RHOBTB1: variants seen among roughly 807,000 people sequenced by gnomAD.
RHOBTB1 encodes Rho related BTB domain containing 1, also known as rho-related BTB domain-containing protein 1.
Under a neutral mutation model 71.6 loss-of-function variants are expected in RHOBTB1, and 40 were observed. That is an observed-to-expected ratio of 0.56 (90% confidence interval 0.43 to 0.73). RHOBTB1 has a LOEUF of 0.73. Ranked by LOEUF, RHOBTB1 falls within the 30% of genes least tolerant of loss-of-function variation. RHOBTB1 has a pLI of 0.00. For missense variants in RHOBTB1, 797 were observed against 894.0 expected (o/e 0.89, Z 1.38); for synonymous variants, 319 against 334.9 (o/e 0.95, Z 0.52).
chr10:60,892,916 T>C lies in RHOBTB1; in HGVS notation c.376A>G (p.Ile126Val). The stretch of plus-strand genomic sequence containing the variant: ...GGTGTTCGAGGGCAAAAGTGCTTGA[T>C]TTCTGGATACCACATGCTTTTCACA... Reference protein sequence around the residue: ...NHVKSMWYPEIKHFCPRTPVI... With the variant: ...NHVKSMWYPEVKHFCPRTPVI... Residue 126 changes from isoleucine (I) to valine (V), a missense_variant, in exon 5 of 11, where the codon ATC becomes GTC. By Grantham distance (29) the Ile-to-Val change is conservative (BLOSUM62 3). Coordinates refer to ENST00000337910, the MANE Select transcript of RHOBTB1 (RefSeq NM_014836.5). The C allele has an allele frequency of 6.2e-7, 1 of 1,614,074 alleles. No homozygotes were observed. Among genetic ancestry groups the C allele is most frequent in the Non-Finnish European group, 8.5e-7 (1 of 1,179,976 alleles).
chr10:60,907,358 G>A (rs1186116683), intron 4 of RHOBTB1, among the ~76,000 whole-genome samples: 1 of 152,192 alleles, frequency 6.6e-6, no homozygotes, highest in Non-Finnish European at 1.5e-5. Flanking sequence ...CTCTTGAGTT[G>A]AGCGACATCC....
chr10:60,916,917 A>G (rs2083297822), intron 2 of RHOBTB1, among the ~76,000 whole-genome samples: 1 of 152,218 alleles, frequency 6.6e-6, no homozygotes, highest in Non-Finnish European at 1.5e-5. Context: ...AGAGAGAAAT[A>G]TGAAGTTGCT....
At chr10:60,862,099 TCTTC>T in the RHOBTB1 span, among the ~76,000 whole-genome samples, 184 of 151,620 alleles carry the variant, frequency 1.2e-3, 1 homozygote, top group Middle Eastern at 0.014. Context: ...TTCTTTCCCT[TCTTC>T]CTTCCTTCCT....
intron 2 of RHOBTB1, among the ~76,000 whole-genome samples, chr10:60,931,767 A>AT (rs1400130650): frequency 2.6e-5 from 4 of 152,278 alleles, no homozygotes; most frequent in African/African-American, 9.6e-5. Flanking sequence ...AAGCTCTCAC[A>AT]TAAAAAAAAC....
intron 2 of RHOBTB1, among the ~76,000 whole-genome samples, chr10:60,914,154 T>A (rs183329968): frequency 2.9e-4 from 44 of 152,158 alleles, no homozygotes; most frequent in Non-Finnish European, 5.6e-4. Context: ...CAAGATGTGG[T>A]GTAGCTGATC....
chr10:60,952,081 A>T (rs1175090743), intron 2 of RHOBTB1, among the ~76,000 whole-genome samples: 1 of 144,388 alleles, frequency 6.9e-6, no homozygotes, highest in African/African-American at 2.5e-5. Flanking sequence ...CCCAAAAAAG[A>T]ACGGTACATG....
In RHOBTB1 at chr10:60,994,975, A is replaced by C. The variant is rs985702785; in HGVS notation, c.-163+6424T>G. 2.0e-5 allele frequency among the ~76,000 whole-genome samples: 3 copies of C among 151,794 alleles called. No individual in the cohort carries two copies. In the East Asian group the frequency reaches 5.8e-4, roughly 30 times the overall value. ...GCACATAATGAAAGATGCGGCTAAA[A>C]ATTCTTTCAAATTTTCCAAGCCATG... On this transcript the variant is annotated intron_variant, in intron 1 of 11. Transcript: ENST00000357917.
intron 2 of RHOBTB1, among the ~76,000 whole-genome samples, chr10:60,927,242 T>G (rs868381811): frequency 1.3e-5 from 2 of 152,172 alleles, no homozygotes; most frequent in African/African-American, 4.8e-5. Flanking sequence ...TGTTCATAGA[T>G]GGGAAGATCG....
chr10:60,886,718 G>GC lies in RHOBTB1; in HGVS notation c.1457-489_1457-488insG, dbSNP rs1564799887. Among the ~76,000 whole-genome samples the GC allele has an allele frequency of 2.3e-4, 21 of 89,958 alleles. No homozygotes were observed. The Middle Eastern group carries it at 0.016, about 70-fold the overall frequency. 59.0% of individuals were successfully genotyped at this position (89,958 alleles called of 152,430 possible). A position where few individuals can be genotyped will look rare whatever the true frequency, so the allele number is the denominator to read the frequency against. ...AATTACTGTTTTTTTTAAGAGATGT[G>GC]GGGGGGGGTGGGTCTGGCTATGTTG... On this transcript the variant is annotated intron_variant, in intron 6 of 10. Coordinates refer to ENST00000337910, the MANE Select transcript of RHOBTB1 (RefSeq NM_014836.5).
intron 2 of RHOBTB1, among the ~76,000 whole-genome samples, chr10:60,936,808 T>C (rs1037929557): frequency 2.6e-5 from 4 of 152,192 alleles, no homozygotes; most frequent in African/African-American, 9.7e-5. Context: ...ATTAATTCCT[T>C]GGTAAAAATA....
intron 2 of RHOBTB1, among the ~76,000 whole-genome samples, chr10:60,921,954 TG>T (rs1218623134): frequency 1.3e-5 from 2 of 151,938 alleles, no homozygotes; most frequent in African/African-American, 4.8e-5. Context: ...TTTCACCAAA[TG>T]GGAAGGTGGT....
intron 6 of RHOBTB1, among the ~76,000 whole-genome samples, chr10:60,886,778 T>C (rs1418616880): frequency 2.0e-5 from 3 of 151,602 alleles, no homozygotes; most frequent in African/African-American, 7.3e-5. Context: ...GTTCCAGCAA[T>C]CCTACTGTCT....
intron 1 of RHOBTB1, among the ~76,000 whole-genome samples, chr10:60,992,064 T>A (rs908069801): frequency 4.0e-5 from 6 of 151,012 alleles, no homozygotes; most frequent in African/African-American, 1.5e-4. Context: ...TGAAAAGACA[T>A]AAATTCAGTG....
intron 4 of RHOBTB1, among the ~76,000 whole-genome samples, chr10:60,896,958 T>C (rs1400176330): frequency 1.3e-5 from 2 of 151,532 alleles, no homozygotes; most frequent in African/African-American, 2.4e-5. Context: ...ACTTCAGATT[T>C]TAAACAAACA....
At chr10:60,877,493 C>T (rs2081101389) in intron 8 of RHOBTB1, among the ~76,000 whole-genome samples, 1 of 152,210 alleles carries the variant, frequency 6.6e-6, no homozygotes, top group Non-Finnish European at 1.5e-5. Context: ...TGATCTTAGG[C>T]AATCTGGCTC....
At chr10:60,945,073 C>T (rs976455269), upstream of RHOBTB1, among the ~76,000 whole-genome samples, 2 of 152,206 alleles carry the variant, frequency 1.3e-5, no homozygotes, top group African/African-American at 4.8e-5. Context: ...CATGCATTCA[C>T]ATAAATGCTT....
the RHOBTB1 span, among the ~76,000 whole-genome samples, chr10:60,862,767 TTCC>T: frequency 1.3e-5 from 2 of 150,296 alleles, no homozygotes; most frequent in East Asian, 1.9e-4. Flanking sequence ...TTCCTTCTTT[TTCC>T]TCTTTTCCTC....
chr10:60,899,257 T>C (rs761778076), intron 4 of RHOBTB1, among the ~76,000 whole-genome samples: 2 of 152,200 alleles, frequency 1.3e-5, no homozygotes, highest in African/African-American at 2.4e-5. Flanking sequence ...GGTCAACGAA[T>C]GCAGGAGGCA....
At chr10:60,863,293 G>T in the RHOBTB1 span, among the ~76,000 whole-genome samples, 3 of 151,932 alleles carry the variant, frequency 2.0e-5, no homozygotes, top group South Asian at 2.1e-4. Context: ...TTATGTTTTA[G>T]GTTCTATAAC....
Sources: gnomAD v4.1 joint callset for allele counts (sites outside exome capture counted in the v4.1 genomes callset) on GRCh38, gnomAD v4.1.1 for gene constraint, MANE v1.5 for transcripts, NCBI Gene and HGNC (gene_info 2026-07-23, HGNC 2026-07-21) for gene names.